ONECUT2: variants seen among roughly 807,000 people sequenced by gnomAD.
ONECUT2 encodes the protein one cut domain family member 2.
A neutral mutation model predicts 27.9 loss-of-function variants in ONECUT2; 10 were observed. The observed-to-expected ratio is 0.36, with a 90% CI of 0.22 to 0.61. The LOEUF (loss-of-function observed/expected upper bound fraction) is 0.61, where lower values mean the gene tolerates loss of function less well. Ranked by LOEUF, ONECUT2 falls within the 20% of genes least tolerant of loss-of-function variation. The pLI is 0.73. For missense variants in ONECUT2, 686 were observed against 721.0 expected, an observed-to-expected ratio of 0.95 and a Z score of 0.56; for synonymous variants, 334 against 315.1, an observed-to-expected ratio of 1.06 and a Z score of -0.64.
intron 1 of ONECUT2, among the ~76,000 whole-genome samples, chr18:57,460,687 CTTT>C (rs66773926): frequency 4.4e-5 from 5 of 112,954 alleles, no homozygotes; most frequent in African/African-American, 6.9e-5. Context: ...TCATTCAAAT[CTTT>C]TTTTTTTTTT....
chr18:57,470,654 A>C (rs777521604), intron 1 of ONECUT2, among the ~76,000 whole-genome samples: 1 of 152,142 alleles, frequency 6.6e-6, no homozygotes, highest in African/African-American at 2.4e-5. Context: ...TGAAGAGCTA[A>C]CACCACTGCA....
chr18:57,456,476 G>A (rs913489626), intron 1 of ONECUT2, among the ~76,000 whole-genome samples: 7 of 152,204 alleles, frequency 4.6e-5, no homozygotes, highest in Admixed American at 4.6e-4. Flanking sequence ...TAAGCTAAGT[G>A]AAATAAGCCA....
At chr18:57,464,069 G>T (rs1016964140) in intron 1 of ONECUT2, among the ~76,000 whole-genome samples, 6 of 151,398 alleles carry the variant, frequency 4.0e-5, no homozygotes, top group Non-Finnish European at 8.8e-5. Flanking sequence ...TTAAGTAAAA[G>T]AAGTATGGAG....
intron 1 of ONECUT2, among the ~76,000 whole-genome samples, chr18:57,468,388 C>T (rs1481779627): frequency 2.0e-5 from 3 of 152,074 alleles, no homozygotes; most frequent in Non-Finnish European, 4.4e-5. Context: ...TGGTTGGGGG[C>T]GGAGGGCAGG....
At position 57,488,027 on chromosome 18, in the gene ONECUT2, A is replaced by G. The variant is rs935440169; in HGVS notation, c.*11304A>G. 6.6e-6 allele frequency: 1 copy of G among 152,348 alleles called. No homozygotes were observed. The highest frequency in any genetic ancestry group is 1.5e-5 in the Non-Finnish European group (1 of 68,036). The allele number at this position is 152,348 out of a possible 1,614,324, so 9.4% of individuals were successfully genotyped here. A position where few individuals can be genotyped will look rare whatever the true frequency, so the allele number is the denominator to read the frequency against. On this transcript the variant is annotated 3_prime_UTR_variant, in exon 2 of 2. Coordinates refer to ENST00000491143, the MANE Select transcript of ONECUT2 (RefSeq NM_004852.3). Reference sequence around the variant, plus strand: ...CTTGGTTGAAAAGCAGCAGTCTGCTATGCAAAATATTGGAAATCACTGACA... The same window carrying G: ...CTTGGTTGAAAAGCAGCAGTCTGCTGTGCAAAATATTGGAAATCACTGACA...
chr18:57,467,240 T>C (rs1475368510), intron 1 of ONECUT2: 1 of 455,104 alleles, frequency 2.2e-6, no homozygotes, highest in African/African-American at 2.0e-5. Flanking sequence ...CACTGGGGAG[T>C]TGCTCTAGCG....
In ONECUT2 at chr18:57,483,403, C is replaced by T. The variant is rs934916309; in HGVS notation, c.*6680C>T. 2.0e-5 allele frequency: 3 copies of T among 152,594 alleles called. No individual in the cohort carries two copies. Among genetic ancestry groups the T allele is most frequent in the Non-Finnish European group, 2.9e-5 (2 of 68,040 alleles). The allele number at this position is 152,594 out of a possible 1,614,324, so 9.5% of individuals were successfully genotyped here. The stretch of plus-strand genomic sequence containing the variant: ...TTGTCAGTCAAAAAATGAAGACACC[C>T]TCTGCCCCACCCCACAGAATGCTTT... On this transcript the variant is annotated 3_prime_UTR_variant, in exon 2 of 2. Coordinates refer to ENST00000491143, the MANE Select transcript of ONECUT2 (RefSeq NM_004852.3).
chr18:57,460,483 A>C (rs1476440477), intron 1 of ONECUT2, among the ~76,000 whole-genome samples: 1 of 152,052 alleles, frequency 6.6e-6, no homozygotes, highest in East Asian at 1.9e-4. Flanking sequence ...TGTCAACGTC[A>C]TACTATTTAA....
intron 1 of ONECUT2, among the ~76,000 whole-genome samples, chr18:57,448,843 T>C (rs1015766075): frequency 6.6e-6 from 1 of 152,256 alleles, no homozygotes; most frequent in African/African-American, 2.4e-5. Flanking sequence ...GTTTTGACCC[T>C]AAATACTGAA....
Position 57,479,784 on chromosome 18 carries a change from A to C in ONECUT2, c.*3061A>C, listed in dbSNP as rs918458256. On this transcript the variant is annotated 3_prime_UTR_variant, in exon 2 of 2. Transcript: ENST00000491143. ...GTGGTCCATTTTCACCAGTTAAAGA[A>C]TATGAGGCCAGCCCAGAAATCTGTT... 6.6e-6 allele frequency: 1 copy of C among 152,348 alleles called. No homozygotes were observed. Among genetic ancestry groups the C allele is most frequent in the African/African-American group, 2.4e-5 (1 of 41,414 alleles). 9.4% of individuals were successfully genotyped at this position (152,348 alleles called of 1,614,324 possible). A position where few individuals can be genotyped will look rare whatever the true frequency, so the allele number is the denominator to read the frequency against.
rs1161148405 is a variant in ONECUT2 at position 57,490,565 on chromosome 18, A to G, written c.*13842A>G. The G allele has an allele frequency of 2.6e-5, 4 of 152,250 alleles. No homozygotes were observed. The East Asian group carries it at 7.7e-4, about 29-fold the overall frequency. The allele number at this position is 152,250 out of a possible 1,614,324, so 9.4% of individuals were successfully genotyped here. A position where few individuals can be genotyped will look rare whatever the true frequency, so the allele number is the denominator to read the frequency against. On this transcript the variant is annotated 3_prime_UTR_variant, in exon 2 of 2. Transcript: ENST00000491143. ...CATTAAATTATGGGAAAATGGCTAT[A>G]GAGTGTGAGCCTCCGTTGACCATAT...
In ONECUT2 at chr18:57,476,549, G is replaced by T. The variant is rs2050383165; in HGVS notation, c.1341G>T (p.Glu447Asp). The change falls in exon 2 of 2, where the codon GAG becomes GAT. Residue 447 changes from glutamate (E) to aspartate (D), a missense_variant. Glu to Asp is a conservative substitution (Grantham distance 45, BLOSUM62 2). This residue lies in a region of ONECUT2 where 77 missense variants were observed against 105.5 expected (regional missense o/e 0.73). Transcript: ENST00000491143. ...QRRTLFAIFK[E>D]NKRPSKEMQI... ...GAACACTCTTCGCCATCTTCAAGGA[G>T]AACAAACGCCCGTCAAAGGAGATGC... 1.2e-6 allele frequency: 2 copies of T among 1,614,220 alleles called. No homozygotes were observed. The highest frequency in any genetic ancestry group is 1.3e-5 in the African/African-American group (1 of 75,062).
chr18:57,441,745 C>G (rs1179399721), intron 1 of ONECUT2, among the ~76,000 whole-genome samples: 1 of 152,250 alleles, frequency 6.6e-6, no homozygotes, highest in East Asian at 1.9e-4. Flanking sequence ...CAGATCCCCT[C>G]CTATCCTCAT....
chr18:57,479,076 G>C lies in ONECUT2; in HGVS notation c.*2353G>C, dbSNP rs1417140149. ...GTTCTTTGCTTAACCCTTAGACTTG[G>C]TTCCTTCTATGTTCAGAGTCTCATC... On this transcript the variant is annotated 3_prime_UTR_variant, in exon 2 of 2. Coordinates refer to ENST00000491143, the MANE Select transcript of ONECUT2 (RefSeq NM_004852.3). The C allele has an allele frequency of 6.6e-6, 1 of 152,568 alleles. No homozygotes were observed. The highest frequency in any genetic ancestry group is 1.5e-5 in the Non-Finnish European group (1 of 68,048). 9.5% of individuals were successfully genotyped at this position (152,568 alleles called of 1,614,324 possible). A position where few individuals can be genotyped will look rare whatever the true frequency, so the allele number is the denominator to read the frequency against.
chr18:57,459,525 CT>C, intron 1 of ONECUT2, among the ~76,000 whole-genome samples: 1 of 152,244 alleles, frequency 6.6e-6, no homozygotes, highest in South Asian at 2.1e-4. Context: ...AATAAGGCTT[CT>C]TTTAACTTTG....
At chr18:57,438,288 G>T (rs1018038285) in intron 1 of ONECUT2, among the ~76,000 whole-genome samples, 3 of 152,256 alleles carry the variant, frequency 2.0e-5, no homozygotes, top group African/African-American at 7.2e-5. Flanking sequence ...AAGCCAGGGT[G>T]GGCGACTTCC....
intron 1 of ONECUT2, among the ~76,000 whole-genome samples, chr18:57,440,751 T>C (rs1481234850): frequency 2.6e-5 from 4 of 151,894 alleles, no homozygotes; most frequent in African/African-American, 9.7e-5. Flanking sequence ...GCTGGGCACC[T>C]CCCAAGCCGA....
At chr18:57,467,091 T>TGA in intron 1 of ONECUT2, 1 of 442,710 alleles carries the variant, frequency 2.3e-6, no homozygotes, top group Non-Finnish European at 4.5e-6. Flanking sequence ...CCTCATTTCC[T>TGA]GAGTCCCCTT....
chr18:57,435,673 G>GCCCCCCC lies in ONECUT2; in HGVS notation c.-42_-41insCCCCCCC. ...CCACGCGCGCCTTGCCCGCCCGCCG[G>GCCCCCCC]CCGCCCCCGCCGCCCCCGCCGCCCC... On this transcript the variant is annotated 5_prime_UTR_variant, in exon 1 of 2. Transcript: ENST00000491143. The GCCCCCCC allele has an allele frequency of 1.0e-6, 1 of 956,296 alleles. No homozygotes were observed. Among genetic ancestry groups the GCCCCCCC allele is most frequent in the Non-Finnish European group, 1.3e-6 (1 of 786,876 alleles). 59.2% of individuals were successfully genotyped at this position (956,296 alleles called of 1,614,324 possible).
Sources: allele counts gnomAD v4.1 joint callset (sites outside exome capture counted in the v4.1 genomes callset), GRCh38; gene constraint gnomAD v4.1.1; regional missense constraint gnomAD v4.1.1; transcripts MANE v1.5; gene names NCBI Gene and HGNC (gene_info 2026-07-23, HGNC 2026-07-21).